The following ABHD3 variants were observed in gnomAD, a reference collection of about 807,000 sequenced individuals.
The protein encoded by ABHD3 is abhydrolase domain containing 3, phospholipase.
ABHD3 carries 46 observed loss-of-function variants against 48.8 expected under a neutral mutation model. The ratio of observed to expected loss-of-function variants is 0.94; its 90% CI spans 0.74 to 1.20. The LOEUF is 1.20. ABHD3 is among the 50% of genes most tolerant of loss of function. The probability of loss-of-function intolerance (pLI) is 0.00; values close to 1 mark genes in which losing one functional copy is unlikely to be tolerated. For missense variants in ABHD3, 490 were observed against 497.8 expected, an observed-to-expected ratio of 0.98 and a Z score of 0.15; for synonymous variants, 192 against 183.7, an observed-to-expected ratio of 1.04 and a Z score of -0.36.
At chr18:21,697,855 A>G (rs1396821044) in intron 3 of ABHD3, among the ~76,000 whole-genome samples, 1 of 152,148 alleles carries the variant, frequency 6.6e-6, no homozygotes, top group Non-Finnish European at 1.5e-5. Flanking sequence ...AACATCAACA[A>G]TAAACCATTA....
At chr18:21,697,475 G>C (rs1165295423) in intron 3 of ABHD3, among the ~76,000 whole-genome samples, 1 of 152,172 alleles carries the variant, frequency 6.6e-6, no homozygotes, top group African/African-American at 2.4e-5. Flanking sequence ...CACCTCCCGA[G>C]TTCAAGCGAT....
intron 5 of ABHD3, chr18:21,663,662 C>T: frequency 6.5e-7 from 1 of 1,535,112 alleles, no homozygotes; most frequent in Non-Finnish European, 8.7e-7. Flanking sequence ...CAAAACAAAA[C>T]AAAACAAAAT....
intron 4 of ABHD3, among the ~76,000 whole-genome samples, chr18:21,671,353 C>T (rs2146300707): frequency 6.6e-6 from 1 of 152,172 alleles, no homozygotes; most frequent in Non-Finnish European, 1.5e-5. Flanking sequence ...ATAAGCACAG[C>T]CTACAGAACT....
chr18:21,681,005 G>A (rs1404030645), intron 4 of ABHD3, among the ~76,000 whole-genome samples: 2 of 151,940 alleles, frequency 1.3e-5, no homozygotes, highest in East Asian at 3.9e-4. Flanking sequence ...TGGGATTGCA[G>A]GTGTGAACCA....
At chr18:21,698,971 T>A (rs992700604) in intron 3 of ABHD3, among the ~76,000 whole-genome samples, 46 of 151,700 alleles carry the variant, frequency 3.0e-4, no homozygotes, top group African/African-American at 1.1e-3. Context: ...CCTTGCTTTG[T>A]CTCCTAGACT....
chr18:21,692,512 C>T (rs80102704), intron 3 of ABHD3, among the ~76,000 whole-genome samples: 2,648 of 147,108 alleles, frequency 0.018, 83 homozygotes, highest in African/African-American at 0.062. Flanking sequence ...TTCTAAGCGG[C>T]CCTATGAATT....
chr18:21,653,052 CAAAAA>C (rs745321830), intron 8 of ABHD3, among the ~76,000 whole-genome samples: 62 of 4,898 alleles, frequency 0.013, 2 homozygotes, highest in African/African-American at 0.053. Context: ...GACTCCATCT[CAAAAA>C]AAAAAAAAAA....
At chr18:21,696,379 A>G (rs2186896) in intron 3 of ABHD3, among the ~76,000 whole-genome samples, 80,790 of 151,782 alleles carry the variant, frequency 0.53, 25,182 homozygotes, top group African/African-American at 0.87. Context: ...TCACTCTCCT[A>G]ACCTTGTGAT....
chr18:21,689,976 A>T (rs1029930102), intron 3 of ABHD3, among the ~76,000 whole-genome samples: 11 of 152,266 alleles, frequency 7.2e-5, no homozygotes, highest in African/African-American at 2.2e-4. Context: ...ACCATGAAGA[A>T]ACAGGAAAAC....
At chr18:21,672,288 T>C (rs1183434500) in intron 4 of ABHD3, among the ~76,000 whole-genome samples, 2 of 152,216 alleles carry the variant, frequency 1.3e-5, no homozygotes, top group African/African-American at 4.8e-5. Flanking sequence ...GGAGATTAAT[T>C]TGCTACTCTG....
chr18:21,690,295 T>TAA (rs970937517), intron 3 of ABHD3, among the ~76,000 whole-genome samples: 2 of 147,708 alleles, frequency 1.4e-5, no homozygotes, highest in Admixed American at 1.3e-4. Context: ...TGAAACAATA[T>TAA]AAAAAAAAAA....
intron 5 of ABHD3, among the ~76,000 whole-genome samples, chr18:21,663,093 T>TC (rs1390731459): frequency 6.6e-6 from 1 of 152,214 alleles, no homozygotes; most frequent in Non-Finnish European, 1.5e-5. Flanking sequence ...AGAAATGTAT[T>TC]CTTTTCTTCT....
chr18:21,702,646 T>A, intron 2 of ABHD3, 148 bp from the exon 3 acceptor site: 1 of 627,452 alleles, frequency 1.6e-6, no homozygotes, highest in East Asian at 3.0e-5. Flanking sequence ...GATCTACATA[T>A]CATTTTCTTT....
At chr18:21,667,387 G>C (rs2039659385) in intron 4 of ABHD3, among the ~76,000 whole-genome samples, 1 of 151,788 alleles carries the variant, frequency 6.6e-6, no homozygotes, top group African/African-American at 2.4e-5. Flanking sequence ...TGAGATTACA[G>C]GCCTGCACCA....
intron 4 of ABHD3, among the ~76,000 whole-genome samples, chr18:21,680,852 ATGTGTG>A (rs537497306): frequency 5.5e-5 from 6 of 108,484 alleles, no homozygotes; most frequent in South Asian, 2.9e-4. Context: ...TCTTTTTCAA[ATGTGTG>A]TGTGTGTGTG....
chr18:21,665,681 T>C lies in ABHD3; in HGVS notation c.556-1451A>G, dbSNP rs543287123. On this transcript the variant is annotated intron_variant, in intron 4 of 8. Transcript: ENST00000289119. Reference sequence around the variant, plus strand: ...ACAAAAAATTAGCCAGGTGTGGTGGTGGGCGCTGTAGTCCCAGCTACTCAG... The same window carrying C: ...ACAAAAAATTAGCCAGGTGTGGTGGCGGGCGCTGTAGTCCCAGCTACTCAG... Among the ~76,000 whole-genome samples, 12 of 151,678 alleles carry C rather than the reference T, an allele frequency of 7.9e-5. No individual in the cohort carries two copies. The East Asian group carries it at 1.4e-3, about 18-fold the overall frequency.
chr18:21,670,336 C>A (rs1286513884), intron 4 of ABHD3, among the ~76,000 whole-genome samples: 1 of 152,126 alleles, frequency 6.6e-6, no homozygotes, highest in Non-Finnish European at 1.5e-5. Context: ...TTGCCTCTCA[C>A]CTGGACTGCC....
At chr18:21,676,687 G>C (rs986350378) in intron 4 of ABHD3, among the ~76,000 whole-genome samples, 4 of 152,182 alleles carry the variant, frequency 2.6e-5, no homozygotes, top group Non-Finnish European at 4.4e-5. Flanking sequence ...CACCGCATCC[G>C]GCCTTAAGTT....
chr18:21,696,554 T>A (rs897600353), intron 3 of ABHD3, among the ~76,000 whole-genome samples: 2 of 152,190 alleles, frequency 1.3e-5, no homozygotes, highest in African/African-American at 4.8e-5. Flanking sequence ...CCTATTAGGC[T>A]ATATTACTGG....
Sources: gnomAD v4.1 joint callset for allele counts (sites outside exome capture counted in the v4.1 genomes callset) on GRCh38, gnomAD v4.1.1 for gene constraint, MANE v1.5 for transcripts, NCBI Gene and HGNC (gene_info 2026-07-23, HGNC 2026-07-21) for gene names.